The following EFCAB6 variants were observed in gnomAD, a reference collection of about 807,000 sequenced individuals.
EFCAB6 encodes the protein EF-hand calcium binding domain 6.
A neutral mutation model predicts 169.8 loss-of-function variants in EFCAB6; 156 were observed. That is an observed-to-expected ratio of 0.92 (90% CI 0.81 to 1.05). The LOEUF (loss-of-function observed/expected upper bound fraction) is 1.05. Among genes scored for constraint, EFCAB6 ranks in the 50% least tolerant of loss-of-function variants. The pLI is 0.00. For missense variants in EFCAB6, 1,800 were observed against 1,829.1 expected (o/e 0.98, Z 0.29); for synonymous variants, 698 against 676.4 (o/e 1.03, Z -0.50).
intron 5 of EFCAB6, among the ~76,000 whole-genome samples, chr22:43,763,687 C>A (rs2061238127): frequency 6.6e-6 from 1 of 151,798 alleles, no homozygotes; most frequent in African/African-American, 2.4e-5. Flanking sequence ...ATACAGTTTT[C>A]TCTGATCAAT....
At position 43,670,313 on chromosome 22, in the gene EFCAB6, C is replaced by G. The variant is rs542974257; in HGVS notation, c.1641-1268G>C. On this transcript the variant is annotated intron_variant, in intron 15 of 31. Transcript: ENST00000262726. The stretch of plus-strand genomic sequence containing the variant: ...ATATGAGAAACACCTTTGGGGTTGT[C>G]AATTCTTCAGAGTATAAAAGTGTCC... Among the ~76,000 whole-genome samples the G allele has an allele frequency of 4.5e-4, 69 of 152,286 alleles. 1 individual carries two copies. Among genetic ancestry groups the G allele is most frequent in the African/African-American group, 1.6e-3 (65 of 41,562 alleles).
At chr22:43,724,327 C>A (rs1254669076) in intron 8 of EFCAB6, among the ~76,000 whole-genome samples, 5 of 151,318 alleles carry the variant, frequency 3.3e-5, no homozygotes, top group African/African-American at 9.7e-5. Flanking sequence ...CAGACCTTGT[C>A]AGAATGGTCT....
At chr22:43,669,890 C>T (rs137767) in intron 15 of EFCAB6, among the ~76,000 whole-genome samples, 16,990 of 152,264 alleles carry the variant, frequency 0.11, 1,018 homozygotes, top group Non-Finnish European at 0.13. Flanking sequence ...TTACCTTCTT[C>T]ACTCGATTCT....
At chr22:43,733,155 T>C (rs2060014162) in intron 7 of EFCAB6, among the ~76,000 whole-genome samples, 1 of 152,160 alleles carries the variant, frequency 6.6e-6, no homozygotes, top group Non-Finnish European at 1.5e-5. Flanking sequence ...ACAGTGAAAC[T>C]CCCTAAAGAG....
At chr22:43,538,360 C>T (rs1219049679) in intron 28 of EFCAB6, among the ~76,000 whole-genome samples, 1 of 152,086 alleles carries the variant, frequency 6.6e-6, no homozygotes, top group Non-Finnish European at 1.5e-5. Context: ...CGACCCACAC[C>T]CCCAGCATCC....
At chr22:43,600,346 C>A (rs1377675320) in intron 22 of EFCAB6, 83 bp from the exon 23 acceptor site, 1 of 1,402,210 alleles carries the variant, frequency 7.1e-7, no homozygotes, top group African/African-American at 1.4e-5. Context: ...AATGCCTGCA[C>A]CATCCATGAG....
At position 43,740,578 on chromosome 22, in the gene EFCAB6, G is replaced by A. The variant is rs557604309; in HGVS notation, c.508-4585C>T. Among the ~76,000 whole-genome samples, 5 of 152,320 alleles carry A rather than the reference G, an allele frequency of 3.3e-5. No homozygotes were observed. In the South Asian group the frequency reaches 1.0e-3, roughly 32 times the overall value. On this transcript the variant is annotated intron_variant, in intron 6 of 31. Transcript: ENST00000262726. ...ACAAACACGAACTGAACGGATGTCT[G>A]TTATGTGCAGAGCCCCATGCTTAAC... is the stretch of plus-strand genomic sequence containing the variant.
At position 43,576,432 on chromosome 22, in the gene EFCAB6, T is replaced by C. The variant is rs200180687; in HGVS notation, c.3285A>G (p.Gly1095=). ...DTGFVKATEF[G]QVLKDFCYKL... is the part of the protein sequence containing the mutation. Reference sequence around the variant, plus strand: ...TGTAACAGAAATCCTTAAGAACTTGTCCGAATTCTGTAGCCTTTACAAATC... The same window carrying C: ...TGTAACAGAAATCCTTAAGAACTTGCCCGAATTCTGTAGCCTTTACAAATC... The change falls in exon 26 of 32, where the codon GGA becomes GGG. Residue 1095 remains glycine, a synonymous_variant. Transcript: ENST00000262726. 7.2e-5 allele frequency: 116 copies of C among 1,600,704 alleles called. No homozygotes were observed. The highest frequency in any genetic ancestry group is 9.7e-5 in the Non-Finnish European group (114 of 1,176,344).
At chr22:43,581,356 C>G (rs1047788996) in intron 24 of EFCAB6, among the ~76,000 whole-genome samples, 2 of 152,190 alleles carry the variant, frequency 1.3e-5, no homozygotes, top group Non-Finnish European at 1.5e-5. Flanking sequence ...CAAAACCTAT[C>G]TAGCTGAGGA....
intron 24 of EFCAB6, among the ~76,000 whole-genome samples, chr22:43,588,183 T>G (rs1207481461): frequency 6.6e-6 from 1 of 152,184 alleles, no homozygotes; most frequent in Non-Finnish European, 1.5e-5. Context: ...CAATCCAAAG[T>G]CAACAAGCTC....
In EFCAB6 at chr22:43,628,748, T is replaced by C. The variant is rs544509989; in HGVS notation, c.2233-2069A>G. Reference sequence around the variant, plus strand: ...CCTCTCCAGAGAGGCACTTCCTGACTCCTCTGTACAATGGCACCAGCCCTG... The same window carrying C: ...CCTCTCCAGAGAGGCACTTCCTGACCCCTCTGTACAATGGCACCAGCCCTG... On this transcript the variant is annotated intron_variant, in intron 19 of 31. Coordinates refer to ENST00000262726, the MANE Select transcript of EFCAB6 (RefSeq NM_022785.4). The surrounding 1 kb of genome is among the most constrained non-coding windows in gnomAD (Gnocchi z 4.8). Among the ~76,000 whole-genome samples the C allele has an allele frequency of 6.6e-6, 1 of 152,250 alleles. No homozygotes were observed. The highest frequency in any genetic ancestry group is 6.5e-5 in the Admixed American group (1 of 15,290).
At position 43,812,220 on chromosome 22, in the gene EFCAB6, G is replaced by C. The variant is rs989043505; in HGVS notation, c.-197C>G. The C allele has an allele frequency of 1.1e-4, 17 of 152,300 alleles. No individual in the cohort carries two copies. The highest frequency in any genetic ancestry group is 4.1e-4 in the African/African-American group (17 of 41,482). 9.4% of individuals were successfully genotyped at this position (152,300 alleles called of 1,614,324 possible). On this transcript the variant is annotated 5_prime_UTR_variant, in exon 1 of 32. Coordinates refer to ENST00000262726, the MANE Select transcript of EFCAB6 (RefSeq NM_022785.4). ...AGCTGGGCCGGCACCCGCGTGCGCGGACCCCAAGCCGCGGGGTCTCAGAGG... is the reference window on the plus strand; with the variant it reads ...AGCTGGGCCGGCACCCGCGTGCGCGCACCCCAAGCCGCGGGGTCTCAGAGG...
At chr22:43,740,570 G>A (rs904497243) in intron 6 of EFCAB6, among the ~76,000 whole-genome samples, 1 of 152,120 alleles carries the variant, frequency 6.6e-6, no homozygotes, top group African/African-American at 2.4e-5. Context: ...CGAACTGAAC[G>A]GATGTCTGTT....
intron 8 of EFCAB6, among the ~76,000 whole-genome samples, chr22:43,725,722 C>G (rs1231348187): frequency 6.6e-6 from 1 of 152,164 alleles, no homozygotes; most frequent in Non-Finnish European, 1.5e-5. Flanking sequence ...AGCAATTCAG[C>G]CTTTCCTACT....
At chr22:43,741,443 G>A (rs548685842) in intron 6 of EFCAB6, among the ~76,000 whole-genome samples, 5 of 152,248 alleles carry the variant, frequency 3.3e-5, no homozygotes, top group Non-Finnish European at 1.5e-5. Flanking sequence ...CCACGCTGCC[G>A]CTGAGGCCTT....
At chr22:43,650,485 T>C (rs4374468) in intron 17 of EFCAB6, among the ~76,000 whole-genome samples, 36,285 of 152,112 alleles carry the variant, frequency 0.24, 5,392 homozygotes, top group East Asian at 0.62. Flanking sequence ...CTTCTTTCTT[T>C]TGTAAATTGC....
chr22:43,784,684 C>CATATAT lies in EFCAB6; in HGVS notation c.-7-2360_-7-2359insATATAT, dbSNP rs753181702. On this transcript the variant is annotated intron_variant, in intron 2 of 31. Coordinates refer to ENST00000262726, the MANE Select transcript of EFCAB6 (RefSeq NM_022785.4). ...ATATACATATACATATATACACACA[C>CATATAT]ACACACACACACACACACACACACA... 2.5e-4 allele frequency among the ~76,000 whole-genome samples: 23 copies of CATATAT among 92,524 alleles called. 1 individual carries two copies. The highest frequency in any genetic ancestry group is 5.9e-4 in the Admixed American group (5 of 8,430). The allele number at this position is 92,524 out of a possible 152,430, so 60.7% of individuals were successfully genotyped here.
chr22:43,719,320 C>T lies in EFCAB6; in HGVS notation c.758-2348G>A, dbSNP rs570760013. 4.6e-5 allele frequency among the ~76,000 whole-genome samples: 7 copies of T among 152,320 alleles called. No individual in the cohort carries two copies. The East Asian group carries it at 7.7e-4, about 17-fold the overall frequency. On this transcript the variant is annotated intron_variant, in intron 8 of 31. Transcript: ENST00000262726. Reference sequence around the variant, plus strand: ...AAGGATGATGCTACCCAATGTGAAACTGGGTGGAGAAGCAATCCAAAGCTT... The same window carrying T: ...AAGGATGATGCTACCCAATGTGAAATTGGGTGGAGAAGCAATCCAAAGCTT...
At chr22:43,751,732 A>G (rs2060773887) in intron 6 of EFCAB6, among the ~76,000 whole-genome samples, 1 of 152,232 alleles carries the variant, frequency 6.6e-6, no homozygotes, top group African/African-American at 2.4e-5. Context: ...ATGAACAGAA[A>G]GACTTCTCTC....
Sources: gnomAD v4.1 joint callset for allele counts (sites outside exome capture counted in the v4.1 genomes callset) on GRCh38, gnomAD v4.1.1 for gene constraint, Gnocchi (gnomAD v3.1) non-coding constraint, MANE v1.5 for transcripts, NCBI Gene and HGNC (gene_info 2026-07-23, HGNC 2026-07-21) for gene names.